Variants in CLCN3 observed in about 807,000 individuals in gnomAD.
CLCN3 encodes H(+)/Cl(-) exchange transporter 3.
Under a neutral mutation model 83.4 loss-of-function variants are expected in CLCN3, and 16 were observed. The observed-to-expected ratio is 0.19, with a 90% CI of 0.13 to 0.29. The LOEUF (loss-of-function observed/expected upper bound fraction) is 0.29. Ranked by LOEUF, CLCN3 falls within the 10% of genes least tolerant of loss-of-function variation. The pLI, the probability that CLCN3 is intolerant of heterozygous loss-of-function variation, is 1.00. For missense variants in CLCN3, 544 were observed against 1,006.0 expected (o/e 0.54, Z 6.21); for synonymous variants, 322 against 346.2 (o/e 0.93, Z 0.78).
chr4:169,673,723 G>C (rs1731567303), intron 2 of CLCN3, among the ~76,000 whole-genome samples: 4 of 152,064 alleles, frequency 2.6e-5, no homozygotes, highest in Admixed American at 2.0e-4. Flanking sequence ...TTTAAAAATA[G>C]TACAAAGAAT....
In CLCN3 at chr4:169,668,969, G is replaced by A. The variant is rs1731357620; in HGVS notation, c.161-11081G>A. ...ATGTGTTTTCTTTAGCTGGGGAGGA[G>A]AAGGTATCTTGATTGATACCTTCAC... On this transcript the variant is annotated intron_variant, in intron 2 of 12. Transcript: ENST00000513761. Among the ~76,000 whole-genome samples the A allele has an allele frequency of 1.3e-5, 2 of 152,138 alleles. 1 individual carries two copies. Among genetic ancestry groups the A allele is most frequent in the African/African-American group, 4.8e-5 (2 of 41,422 alleles).
intron 10 of CLCN3, among the ~76,000 whole-genome samples, chr4:169,704,927 A>G (rs1355169318): frequency 6.6e-6 from 1 of 152,240 alleles, no homozygotes; most frequent in Non-Finnish European, 1.5e-5. Flanking sequence ...CATTTTCACC[A>G]AAGTAGCAAG....
chr4:169,699,853 G>T (rs577429825), intron 9 of CLCN3, among the ~76,000 whole-genome samples: 15 of 152,080 alleles, frequency 9.9e-5, no homozygotes, highest in Non-Finnish European at 1.9e-4. Flanking sequence ...CTGCACTCCA[G>T]CCCAGGCAAC....
chr4:169,704,169 G>A lies in CLCN3; in HGVS notation c.1735G>A (p.Ala579Thr), dbSNP rs367548875. 1.9e-6 allele frequency: 3 copies of A among 1,612,106 alleles called. No homozygotes were observed. Among genetic ancestry groups the A allele is most frequent in the Admixed American group, 1.7e-5 (1 of 59,978 alleles). ...ITPGLYAMVGAAACLGGVTRM... is the reference protein window; with the variant it reads ...ITPGLYAMVGTAACLGGVTRM... ...ACCTGGCCTTTATGCCATGGTTGGT[G>A]CTGCTGCATGCTTAGGTAATATGGC... The change falls in exon 10 of 13, where the codon GCT (alanine) becomes ACT (threonine). Residue 579 changes from alanine to threonine, a missense_variant. Transcript: ENST00000513761.
intron 2 of CLCN3, chr4:169,660,018 A>G (rs1415660140): frequency 1.0e-6 from 1 of 989,294 alleles, no homozygotes; most frequent in Non-Finnish European, 1.2e-6. Flanking sequence ...GTTACCACTG[A>G]TGCTACCGAA....
At chr4:169,629,136 T>C (rs1411179619) in intron 1 of CLCN3, among the ~76,000 whole-genome samples, 1 of 152,190 alleles carries the variant, frequency 6.6e-6, no homozygotes, top group East Asian at 1.9e-4. Context: ...GGGATGGCCA[T>C]AAAACGGCAA....
chr4:169,707,149 G>T lies in CLCN3; in HGVS notation c.2032G>T (p.Asp678Tyr). The change falls in exon 11 of 13, where the codon GAT (aspartate) becomes TAT (tyrosine). Residue 678 changes from aspartate to tyrosine, a missense_variant. Transcript: ENST00000513761. ...AVLTQDNMTVDDIENMINETS... is the reference protein window; with the variant it reads ...AVLTQDNMTVYDIENMINETS... ...CCTGACACAGGACAATATGACAGTG[G>T]ATGATATAGAAAACATGATTAATGA... is the stretch of plus-strand genomic sequence containing the variant. The T allele has an allele frequency of 1.2e-6, 2 of 1,614,074 alleles. No homozygotes were observed. The highest frequency in any genetic ancestry group is 1.1e-5 in the South Asian group (1 of 91,074).
At chr4:169,679,109 G>A (rs566999952) in intron 2 of CLCN3, among the ~76,000 whole-genome samples, 1 of 151,696 alleles carries the variant, frequency 6.6e-6, no homozygotes, top group East Asian at 2.0e-4. Context: ...CGGCTGCCGG[G>A]CGGAGGGGCT....
intron 1 of CLCN3, among the ~76,000 whole-genome samples, chr4:169,622,452 G>T (rs13111072): frequency 1.3e-5 from 2 of 152,146 alleles, no homozygotes; most frequent in African/African-American, 4.8e-5. Flanking sequence ...TTATATCAAA[G>T]CAGTATCCTG....
intron 2 of CLCN3, among the ~76,000 whole-genome samples, chr4:169,663,955 A>C (rs1393247903): frequency 6.6e-6 from 1 of 152,230 alleles, no homozygotes; most frequent in African/African-American, 2.4e-5. Context: ...TTCTTCCCCC[A>C]AAGTCCCAAG....
intron 1 of CLCN3, among the ~76,000 whole-genome samples, chr4:169,625,911 C>T (rs905786748): frequency 2.0e-5 from 3 of 152,140 alleles, no homozygotes; most frequent in African/African-American, 4.8e-5. Context: ...TTTCTCCCCC[C>T]ACAGCAACCA....
intron 9 of CLCN3, among the ~76,000 whole-genome samples, chr4:169,700,906 G>A (rs148613545): frequency 6.6e-6 from 1 of 152,212 alleles, no homozygotes; most frequent in African/African-American, 2.4e-5. Context: ...TCAGTGAATT[G>A]TAATCTGTTT....
chr4:169,620,674 G>C lies in CLCN3; in HGVS notation c.-406G>C. The C allele has an allele frequency of 2.5e-6, 1 of 398,444 alleles. No homozygotes were observed. The highest frequency in any genetic ancestry group is 4.4e-6 in the Non-Finnish European group (1 of 226,160). The allele number at this position is 398,444 out of a possible 1,614,324, so 24.7% of individuals were successfully genotyped here. A position where few individuals can be genotyped will look rare whatever the true frequency, so the allele number is the denominator to read the frequency against. On this transcript the variant is annotated 5_prime_UTR_variant, in exon 1 of 13. Coordinates refer to ENST00000513761, the MANE Select transcript of CLCN3 (RefSeq NM_001829.4). Reference sequence around the variant, plus strand: ...CCCGTGACCCGGAATAATGAGCAAGGAGGGTGTGGTGGGTTGAAAGCCATC... The same window carrying C: ...CCCGTGACCCGGAATAATGAGCAAGCAGGGTGTGGTGGGTTGAAAGCCATC...
intron 2 of CLCN3, among the ~76,000 whole-genome samples, chr4:169,667,617 A>C (rs1463804314): frequency 3.3e-5 from 5 of 152,180 alleles, no homozygotes; most frequent in African/African-American, 1.2e-4. Flanking sequence ...GAGATGCATG[A>C]ATGATGCATT....
intron 2 of CLCN3, among the ~76,000 whole-genome samples, chr4:169,653,248 G>A (rs947709394): frequency 3.3e-5 from 5 of 152,068 alleles, no homozygotes; most frequent in Non-Finnish European, 5.9e-5. Context: ...GTGTGTGTGT[G>A]TATGTGTTAG....
intron 1 of CLCN3, 63 bp downstream of exon 1, chr4:169,621,126 G>C (rs1161264584): frequency 2.6e-6 from 1 of 392,156 alleles, no homozygotes; most frequent in African/African-American, 2.1e-5. Flanking sequence ...TGGGTCAACT[G>C]TGAGGCCACA....
intron 11 of CLCN3, among the ~76,000 whole-genome samples, chr4:169,707,952 A>C (rs1364879486): frequency 1.3e-5 from 2 of 152,204 alleles, no homozygotes; most frequent in Non-Finnish European, 2.9e-5. Flanking sequence ...TTTACCTTAT[A>C]GTCCCGCAGT....
At position 169,713,065 on chromosome 4, in the gene CLCN3, C is replaced by A; in HGVS notation, c.2150-14C>A. ...ATCAGTTTAAAAGTGTTGGTCTCTT[C>A]TCTCTCTTTTCAGAAAGTGCCAGGA... On this transcript the variant is annotated splice_polypyrimidine_tract_variant and intron_variant, in intron 11 of 12. Transcript: ENST00000513761. 2 of 1,607,500 alleles carry A rather than the reference C, an allele frequency of 1.2e-6. No individual in the cohort carries two copies. The highest frequency in any genetic ancestry group is 3.3e-5 in the Admixed American group (2 of 59,870).
intron 9 of CLCN3, among the ~76,000 whole-genome samples, chr4:169,700,400 G>T (rs1009216762): frequency 6.6e-6 from 1 of 152,112 alleles, no homozygotes; most frequent in Non-Finnish European, 1.5e-5. Flanking sequence ...TGGGATTACA[G>T]GTGTGGGCCA....
Sources: allele counts gnomAD v4.1 joint callset (sites outside exome capture counted in the v4.1 genomes callset), GRCh38; gene constraint gnomAD v4.1.1; transcripts MANE v1.5; gene names NCBI Gene and HGNC (gene_info 2026-07-23, HGNC 2026-07-21).